IFRD1: variants seen among roughly 807,000 people sequenced by gnomAD.
IFRD1 encodes the protein interferon related developmental regulator 1.
In IFRD1, 35 loss-of-function variants were observed where a neutral mutation model predicts 52.9. The observed-to-expected ratio is 0.66, with a 90% confidence interval of 0.51 to 0.88. The LOEUF is 0.88. Ranked by LOEUF, IFRD1 falls within the 40% of genes least tolerant of loss-of-function variation. The pLI is 0.00. For synonymous variants in IFRD1, 184 were observed against 188.4 expected (o/e 0.98, Z 0.19); for missense variants, 517 against 550.8 (o/e 0.94, Z 0.61).
At chr7:112,472,097 C>T (rs1347785202) in intron 9 of IFRD1, 122 bp from the exon 10 acceptor site, 1 of 964,110 alleles carries the variant, frequency 1.0e-6, no homozygotes, top group East Asian at 2.4e-5. Flanking sequence ...ATGGCAGTAT[C>T]AGTTTAAGCC....
chr7:112,458,886 T>G lies in IFRD1; in HGVS notation c.435T>G (p.Ala145=), dbSNP rs1795359055. 1.2e-6 allele frequency: 2 copies of G among 1,614,126 alleles called. No homozygotes were observed. Among genetic ancestry groups the G allele is most frequent in the Admixed American group, 3.3e-5 (2 of 60,010 alleles). The change falls in exon 5 of 12, where the codon GCT becomes GCG. Residue 145 remains alanine (A), a synonymous_variant. Coordinates refer to ENST00000403825, the MANE Select transcript of IFRD1 (RefSeq NM_001550.4). ...KKGKSDEQRA[A]AALASVLCIQ... Reference sequence around the variant, plus strand: ...GTAAGAGTGATGAGCAACGTGCAGCTGCAGCGTTAGCATCTGTTCTTTGTA... The same window carrying G: ...GTAAGAGTGATGAGCAACGTGCAGCGGCAGCGTTAGCATCTGTTCTTTGTA...
At chr7:112,450,453 C>G (rs1490907523), upstream of IFRD1, 2 of 571,136 alleles carry the variant, frequency 3.5e-6, no homozygotes, top group Non-Finnish European at 6.3e-6. Context: ...GTGGCCTCCC[C>G]TGCCCCGCCT....
chr7:112,457,312 C>CT, intron 4 of IFRD1: 3 of 552,150 alleles, frequency 5.4e-6, no homozygotes, highest in Non-Finnish European at 9.6e-6. Context: ...TGGTCATTCT[C>CT]TTGTTATACC....
chr7:112,463,592 A>C (rs1008381135), intron 8 of IFRD1, among the ~76,000 whole-genome samples: 72 of 152,268 alleles, frequency 4.7e-4, no homozygotes, highest in African/African-American at 1.6e-3. Flanking sequence ...CAAATTTAGC[A>C]ATCAATTTAA....
At chr7:112,457,144 A>C in intron 4 of IFRD1, 106 bp downstream of exon 4, 5 of 1,184,308 alleles carry the variant, frequency 4.2e-6, no homozygotes, top group Non-Finnish European at 6.2e-6. Context: ...CCACTCTTAA[A>C]ATTTTCTAAT....
rs28595023 is a variant in IFRD1, at chr7:112,427,912, T to C, written c.-182+4480T>C. Among the ~76,000 whole-genome samples the C allele has an allele frequency of 5.5e-3, 840 of 152,270 alleles. 6 individuals carry two copies. The highest frequency in any genetic ancestry group is 0.019 in the African/African-American group (798 of 41,540). On this transcript the variant is annotated intron_variant, in intron 1 of 12. Coordinates refer to the IFRD1 transcript ENST00000005558. ...GGAAAGGCAGCTATAAACAGGTCCT[T>C]TTAACACAGGGTGCTGAGTGCCTTG...
rs928566255 is a variant in IFRD1 at position 112,439,190 on chromosome 7, G to C, written c.-181-11318G>C. Among the ~76,000 whole-genome samples the C allele has an allele frequency of 2.6e-5, 4 of 152,210 alleles. No individual in the cohort carries two copies. The East Asian group carries it at 7.7e-4, about 29-fold the overall frequency. On this transcript the variant is annotated intron_variant, in intron 1 of 12. Coordinates refer to the IFRD1 transcript ENST00000005558. The stretch of plus-strand genomic sequence containing the variant: ...GGGTGTCCTTGGACAGAATTCTGTG[G>C]AGGCGGAATGAAGTGGGCAGGGCCC...
intron 1 of IFRD1, among the ~76,000 whole-genome samples, chr7:112,435,892 T>A (rs1268670962): frequency 1.3e-5 from 2 of 151,912 alleles, no homozygotes; most frequent in African/African-American, 4.8e-5. Flanking sequence ...TTTTTTTGTT[T>A]TTGTTTTTTG....
chr7:112,444,277 C>T (rs1370281794), intron 1 of IFRD1, among the ~76,000 whole-genome samples: 1 of 152,122 alleles, frequency 6.6e-6, no homozygotes, highest in Non-Finnish European at 1.5e-5. Flanking sequence ...AATTTCATTA[C>T]AGAAAGTGTA....
At chr7:112,447,975 C>T (rs1372696153), upstream of IFRD1, among the ~76,000 whole-genome samples, 1 of 151,826 alleles carries the variant, frequency 6.6e-6, no homozygotes, top group African/African-American at 2.4e-5. Flanking sequence ...TCTCCCTTTC[C>T]TTGATCCAGA....
intron 11 of IFRD1, 136 bp from the exon 12 acceptor site, chr7:112,475,290 TTGTG>T (rs1415742849): frequency 4.7e-6 from 3 of 638,346 alleles, no homozygotes; most frequent in Non-Finnish European, 8.3e-6. Context: ...CCTTCATTCT[TTGTG>T]TGTGTTTTAT....
At chr7:112,447,960 A>T (rs183160215), upstream of IFRD1, among the ~76,000 whole-genome samples, 5 of 152,128 alleles carry the variant, frequency 3.3e-5, no homozygotes, top group African/African-American at 9.7e-5. Flanking sequence ...AGTGATACAT[A>T]AGTTTCTCCC....
rs140173633 is a variant in IFRD1, at chr7:112,450,727, T to C, written c.39T>C (p.Gly13=). ...AGAAGCGGAACACTCCCCACCGCGG[T>C]AGCAGTGCTGGCGGCGGCGGGTCAG... ...KNKKRNTPHR[G]SSAGGGGSGA... is the part of the protein sequence containing the mutation. Residue 13 remains glycine (G), a synonymous_variant, in exon 1 of 12, where the codon GGT becomes GGC. Transcript: ENST00000403825. 773 of 1,612,072 alleles carry C rather than the reference T, an allele frequency of 4.8e-4. 4 individuals carry two copies. In the African/African-American group the frequency reaches 8.2e-3, roughly 17 times the overall value.
At chr7:112,455,477 T>C (rs902364625) in intron 1 of IFRD1, among the ~76,000 whole-genome samples, 3 of 150,254 alleles carry the variant, frequency 2.0e-5, no homozygotes, top group Non-Finnish European at 4.4e-5. Context: ...AGGGAGGCTC[T>C]GTCTCAAAAA....
At position 112,475,414 on chromosome 7, in the gene IFRD1, C is replaced by G. The variant is rs752492220; in HGVS notation, c.1267-16C>G. The G allele has an allele frequency of 3.9e-6, 6 of 1,544,144 alleles. No homozygotes were observed. The African/African-American group carries it at 8.2e-5, about 21-fold the overall frequency. On this transcript the variant is annotated splice_polypyrimidine_tract_variant and intron_variant, in intron 11 of 11. Coordinates refer to ENST00000403825, the MANE Select transcript of IFRD1 (RefSeq NM_001550.4). ...TAAGTCTTACTGATGCACGTTTTTC[C>G]TTTTTTTCATTTTAGCATTTATATA...
At chr7:112,434,919 T>C (rs1479755657) in intron 1 of IFRD1, among the ~76,000 whole-genome samples, 1 of 152,232 alleles carries the variant, frequency 6.6e-6, no homozygotes, top group Non-Finnish European at 1.5e-5. Context: ...GTTTGGCTCA[T>C]ACATGATTCT....
intron 5 of IFRD1, among the ~76,000 whole-genome samples, chr7:112,460,551 G>A (rs1292607493): frequency 6.6e-6 from 1 of 152,110 alleles, no homozygotes; most frequent in African/African-American, 2.4e-5. Context: ...GCCAGTCCTA[G>A]TTCTTTAATT....
upstream of IFRD1, chr7:112,450,337 GC>G: frequency 3.7e-6 from 1 of 271,836 alleles, no homozygotes; most frequent in Non-Finnish European, 7.2e-6. Context: ...TCCGCGCCCC[GC>G]CCGACGGAGG....
intron 2 of IFRD1, 28 bp from the exon 3 acceptor site, chr7:112,455,974 A>G: frequency 6.6e-7 from 1 of 1,506,932 alleles, no homozygotes. Flanking sequence ...CTTTTAAATT[A>G]CGATGGCTGT....
Sources: gnomAD v4.1 joint callset for allele counts (sites outside exome capture counted in the v4.1 genomes callset) on GRCh38, gnomAD v4.1.1 for gene constraint, MANE v1.5 for transcripts, NCBI Gene and HGNC (gene_info 2026-07-23, HGNC 2026-07-21) for gene names.